PDS5B: variants seen among roughly 807,000 people sequenced by gnomAD.
PDS5B encodes the protein sister chromatid cohesion protein PDS5 homolog B.
PDS5B carries 51 observed loss-of-function variants against 184.1 expected under a neutral mutation model. The observed-to-expected ratio is 0.28, with a 90% confidence interval of 0.22 to 0.35. PDS5B has a LOEUF of 0.35. Among genes scored for constraint, PDS5B ranks in the 10% least tolerant of loss-of-function variants. The pLI, the probability that PDS5B is intolerant of heterozygous loss-of-function variation, is 1.00. For missense variants in PDS5B, 1,180 were observed against 1,723.3 expected (o/e 0.68, Z 5.58); for synonymous variants, 566 against 569.2 (o/e 0.99, Z 0.08).
At chr13:32,764,648 A>G (rs1420671974) in intron 31 of PDS5B, 54 bp downstream of exon 31, 1 of 962,092 alleles carries the variant, frequency 1.0e-6, no homozygotes, top group Admixed American at 2.6e-5. Context: ...TTACTTAGTA[A>G]TGTTTACACT....
At chr13:32,695,639 G>A (rs964318946) in intron 14 of PDS5B, among the ~76,000 whole-genome samples, 2 of 151,974 alleles carry the variant, frequency 1.3e-5, no homozygotes, top group Non-Finnish European at 2.9e-5. Flanking sequence ...CAGGTAGTAT[G>A]TTAAGTGTAT....
chr13:32,632,983 C>T (rs1405929439), intron 1 of PDS5B, among the ~76,000 whole-genome samples: 2 of 152,232 alleles, frequency 1.3e-5, no homozygotes, highest in African/African-American at 4.8e-5. Context: ...CGCCTGTGGT[C>T]CCAGCTACTC....
chr13:32,591,755 G>A (rs1378439906), intron 1 of PDS5B, among the ~76,000 whole-genome samples: 1 of 152,180 alleles, frequency 6.6e-6, no homozygotes, highest in African/African-American at 2.4e-5. Flanking sequence ...GAGGCCATTT[G>A]CAACATATTC....
chr13:32,718,066 G>A (rs1179151248), intron 19 of PDS5B, among the ~76,000 whole-genome samples: 6 of 152,096 alleles, frequency 3.9e-5, no homozygotes, highest in Non-Finnish European at 8.8e-5. Context: ...ATATTAGTAA[G>A]CCTACTATTT....
rs781733468 is a variant in PDS5B at position 32,755,943 on chromosome 13, A to G, written c.3043A>G (p.Lys1015Glu). The change falls in exon 26 of 35, where the codon AAA becomes GAA. Residue 1015 changes from lysine to glutamate, a missense_variant. By Grantham distance (56) the Lys-to-Glu change is moderately conservative. Transcript: ENST00000315596. ...YVKVQDIEQL[K>E]DVKECLWFVL... ...CAAAGTACAGGATATTGAACAACTT[A>G]AAGATGTTAAAGAGTAAGACTTTTT... 2 of 1,489,816 alleles carry G rather than the reference A, an allele frequency of 1.3e-6. No homozygotes were observed. Among genetic ancestry groups the G allele is most frequent in the Non-Finnish European group, 1.8e-6 (2 of 1,083,212 alleles). The allele number at this position is 1,489,816 out of a possible 1,614,324, so 92.3% of individuals were successfully genotyped here. A position where few individuals can be genotyped will look rare whatever the true frequency, so the allele number is the denominator to read the frequency against.
chr13:32,599,073 GT>G (rs1239247311), intron 1 of PDS5B, among the ~76,000 whole-genome samples: 1 of 151,552 alleles, frequency 6.6e-6, no homozygotes, highest in Admixed American at 6.6e-5. Flanking sequence ...CCCAGCCTCA[GT>G]TTTTTTCCTT....
chr13:32,613,641 T>TA (rs2058175470), intron 1 of PDS5B, among the ~76,000 whole-genome samples: 1 of 152,260 alleles, frequency 6.6e-6, no homozygotes, highest in Non-Finnish European at 1.5e-5. Context: ...ACAAGTGCCT[T>TA]ATCATATATA....
At chr13:32,683,752 C>A in intron 10 of PDS5B, 126 bp from the exon 11 acceptor site, 1 of 581,276 alleles carries the variant, frequency 1.7e-6, no homozygotes, top group South Asian at 2.5e-5. Flanking sequence ...TTTCTGGGCT[C>A]TTAATTTTCT....
At chr13:32,652,047 T>C in intron 3 of PDS5B, 40 bp downstream of exon 3, 1 of 1,346,510 alleles carries the variant, frequency 7.4e-7, no homozygotes, top group Non-Finnish European at 1.1e-6. Context: ...TGACCGATAC[T>C]TTGATTTATC....
chr13:32,678,810 A>G, intron 9 of PDS5B, 25 bp from the exon 10 acceptor site: 17 of 1,242,260 alleles, frequency 1.4e-5, no homozygotes, highest in Non-Finnish European at 1.9e-5. Flanking sequence ...TTTGAAGCTC[A>G]CTCTGTGCTT....
Position 32,773,255 on chromosome 13 carries a change from T to C in PDS5B, c.4239T>C (p.Phe1413=). The C allele has an allele frequency of 6.2e-7, 1 of 1,613,306 alleles. No individual in the cohort carries two copies. Among genetic ancestry groups the C allele is most frequent in the Non-Finnish European group, 8.5e-7 (1 of 1,179,450 alleles). Residue 1413 remains phenylalanine (F), a synonymous_variant, in exon 34 of 35, where the codon TTT becomes TTC. Coordinates refer to ENST00000315596, the MANE Select transcript of PDS5B (RefSeq NM_015032.4). ...ENDSSEEVDV[F]QGSSPVDDIP... The stretch of plus-strand genomic sequence containing the variant: ...ATTCAAGTGAAGAAGTAGATGTGTT[T>C]CAGGGTAGCTCTCCTGTCGATGATA...
chr13:32,704,246 G>T (rs1374637759), intron 17 of PDS5B, among the ~76,000 whole-genome samples: 1 of 151,672 alleles, frequency 6.6e-6, no homozygotes, highest in African/African-American at 2.4e-5. Flanking sequence ...TCAGCTCACT[G>T]CAGCCTCCAC....
intron 1 of PDS5B, among the ~76,000 whole-genome samples, chr13:32,622,024 T>C (rs1361511887): frequency 6.6e-6 from 1 of 152,220 alleles, no homozygotes; most frequent in Non-Finnish European, 1.5e-5. Flanking sequence ...TCTCTTTTTT[T>C]CTATTCTTGA....
chr13:32,594,978 A>G (rs1329832227), intron 1 of PDS5B, among the ~76,000 whole-genome samples: 1 of 152,164 alleles, frequency 6.6e-6, no homozygotes, highest in Non-Finnish European at 1.5e-5. Context: ...AGCCTCATAT[A>G]CGTGTCTTCT....
intron 8 of PDS5B, among the ~76,000 whole-genome samples, 194 bp downstream of exon 8, chr13:32,673,550 A>G (rs1240185796): frequency 6.6e-6 from 1 of 152,160 alleles, no homozygotes; most frequent in Non-Finnish European, 1.5e-5. Context: ...GCAGATAGTA[A>G]CTGTTTAATA....
chr13:32,750,938 A>C (rs566798459), intron 24 of PDS5B, among the ~76,000 whole-genome samples: 1 of 151,078 alleles, frequency 6.6e-6, no homozygotes, highest in Admixed American at 6.6e-5. Context: ...ATCTAGGTAA[A>C]TTGTTTGTCA....
intron 1 of PDS5B, among the ~76,000 whole-genome samples, chr13:32,639,082 A>G (rs1169277198): frequency 1.4e-5 from 2 of 139,836 alleles, no homozygotes; most frequent in Non-Finnish European, 3.0e-5. Flanking sequence ...ACTACTGAGC[A>G]GAGAAATACT....
chr13:32,686,178 T>C (rs1951382031), intron 11 of PDS5B, among the ~76,000 whole-genome samples: 1 of 152,148 alleles, frequency 6.6e-6, no homozygotes, highest in African/African-American at 2.4e-5. Flanking sequence ...AGTGCTGTGT[T>C]TATGTAAAAT....
At chr13:32,710,711 T>C (rs1294949085) in intron 19 of PDS5B, among the ~76,000 whole-genome samples, 2 of 152,170 alleles carry the variant, frequency 1.3e-5, no homozygotes, top group Non-Finnish European at 2.9e-5. Context: ...GGAGAGAAGA[T>C]GGAATAGGTG....
Sources: gnomAD v4.1 joint callset for allele counts (sites outside exome capture counted in the v4.1 genomes callset) on GRCh38, gnomAD v4.1.1 for gene constraint, MANE v1.5 for transcripts, NCBI Gene and HGNC (gene_info 2026-07-23, HGNC 2026-07-21) for gene names.